MPPED1: variants seen among roughly 807,000 people sequenced by gnomAD.
MPPED1 encodes the protein metallophosphoesterase domain containing 1.
In MPPED1, 16 loss-of-function variants were observed where a neutral mutation model predicts 36.2. The observed-to-expected ratio is 0.44, with a 90% CI of 0.30 to 0.67. The LOEUF is 0.67. Among genes scored for constraint, MPPED1 ranks in the 30% least tolerant of loss-of-function variants. MPPED1 has a pLI of 0.10. For synonymous variants in MPPED1, 199 were observed against 191.3 expected, an observed-to-expected ratio of 1.04 and a Z score of -0.33; for missense variants, 307 against 453.4, an observed-to-expected ratio of 0.68 and a Z score of 2.93.
intron 3 of MPPED1, among the ~76,000 whole-genome samples, chr22:43,464,046 T>C (rs1432343850): frequency 6.6e-6 from 1 of 151,826 alleles, no homozygotes; most frequent in Non-Finnish European, 1.5e-5. Context: ...GTAGCTGGGT[T>C]TATAGGCGCC....
chr22:43,505,547 A>G lies in MPPED1; in HGVS notation c.912A>G (p.Val304=), dbSNP rs778505150. Residue 304 remains valine, a synonymous_variant, in exon 7 of 7, where the codon GTA becomes GTG. Coordinates refer to ENST00000443721, the MANE Select transcript of MPPED1 (RefSeq NM_001044370.2). Reference sequence around the variant, plus strand: ...CGACCACCTATGTGAATGCGTCCGTATGCACTGTGAACTACCAGCCCGTGA... The same window carrying G: ...CGACCACCTATGTGAATGCGTCCGTGTGCACTGTGAACTACCAGCCCGTGA... ...DGTTTYVNAS[V]CTVNYQPVNP... 2 of 1,612,752 alleles carry G rather than the reference A, an allele frequency of 1.2e-6. No homozygotes were observed. Among genetic ancestry groups the G allele is most frequent in the Non-Finnish European group, 8.5e-7 (1 of 1,179,492 alleles).
intron 1 of MPPED1, chr22:43,416,601 C>T (rs1053302952): frequency 6.6e-6 from 1 of 152,150 alleles, no homozygotes; most frequent in Non-Finnish European, 1.5e-5. Flanking sequence ...CATTTACCTC[C>T]TATTTCCTTT....
intron 3 of MPPED1, among the ~76,000 whole-genome samples, chr22:43,456,494 G>A (rs115606377): frequency 1.3e-5 from 2 of 152,036 alleles, no homozygotes; most frequent in African/African-American, 2.4e-5. Context: ...AGTTTGTTAC[G>A]TGTTTTTTGT....
At chr22:43,453,494 G>A (rs1930645985) in intron 3 of MPPED1, among the ~76,000 whole-genome samples, 1 of 152,050 alleles carries the variant, frequency 6.6e-6, no homozygotes, top group African/African-American at 2.4e-5. Flanking sequence ...ACCAGGTATA[G>A]CCTTCCAGTC....
intron 1 of MPPED1, chr22:43,418,639 G>A (rs113338194): frequency 1.5e-3 from 243 of 163,810 alleles, no homozygotes; most frequent in Non-Finnish European, 2.3e-3. Context: ...CTGGTTCGCC[G>A]GGTCTGAGCC....
At chr22:43,438,073 C>T (rs949316112) in intron 3 of MPPED1, among the ~76,000 whole-genome samples, 6 of 152,186 alleles carry the variant, frequency 3.9e-5, no homozygotes, top group Admixed American at 2.0e-4. Flanking sequence ...CCAGGTGTGT[C>T]GCAAGCCCTG....
At chr22:43,468,806 G>A (rs1377239458) in intron 3 of MPPED1, among the ~76,000 whole-genome samples, 1 of 152,146 alleles carries the variant, frequency 6.6e-6, no homozygotes, top group Non-Finnish European at 1.5e-5. Context: ...CCAGCTTCAG[G>A]GAAGAAGGTG....
At chr22:43,418,083 T>A (rs552438751) in intron 1 of MPPED1, 1 of 456,300 alleles carries the variant, frequency 2.2e-6, no homozygotes, top group African/African-American at 2.0e-5. Context: ...CAGTGATTGT[T>A]AAAGAGCTGC....
intron 3 of MPPED1, among the ~76,000 whole-genome samples, chr22:43,444,314 GTGTGTGTA>G (rs1930258037): frequency 1.1e-5 from 1 of 89,868 alleles, no homozygotes; most frequent in South Asian, 3.8e-4. Flanking sequence ...GTGTGTGTGT[GTGTGTGTA>G]TCAAACATGT....
In MPPED1 at chr22:43,497,929, G is replaced by GTGTATATATATATA. The variant is rs1555904565; in HGVS notation, c.633-305_633-304insGTATATATATATAT. Among the ~76,000 whole-genome samples the GTGTATATATATATA allele has an allele frequency of 9.9e-4, 48 of 48,698 alleles. 1 individual carries two copies. Among genetic ancestry groups the GTGTATATATATATA allele is most frequent in the African/African-American group, 1.6e-3 (25 of 15,818 alleles). 31.9% of individuals were successfully genotyped at this position (48,698 alleles called of 152,430 possible). A position where few individuals can be genotyped will look rare whatever the true frequency, so the allele number is the denominator to read the frequency against. ...CTTAGGAAGAAGCTGATATATATAT[G>GTGTATATATATATA]TATATGTATATATATATATGTATTT... On this transcript the variant is annotated intron_variant, in intron 4 of 6. Transcript: ENST00000443721.
At chr22:43,443,874 ACT>A (rs1466950422) in intron 3 of MPPED1, among the ~76,000 whole-genome samples, 1 of 152,002 alleles carries the variant, frequency 6.6e-6, no homozygotes, top group East Asian at 1.9e-4. Context: ...CACCTCCGGC[ACT>A]CTCTGATGGG....
intron 3 of MPPED1, among the ~76,000 whole-genome samples, chr22:43,453,111 G>A (rs963159416): frequency 1.3e-5 from 2 of 151,844 alleles, no homozygotes; most frequent in African/African-American, 4.8e-5. Flanking sequence ...TACCACGCCC[G>A]GCTAATTTGT....
chr22:43,494,710 G>GTGGTGGTGGTGGTGT (rs1932203056), intron 4 of MPPED1, among the ~76,000 whole-genome samples: 1 of 151,626 alleles, frequency 6.6e-6, no homozygotes, highest in Non-Finnish European at 1.5e-5. Context: ...GGTGGTGGTG[G>GTGGTGGTGGTGGTGT]TGGTGGTGGT....
chr22:43,477,076 G>A (rs1931599929), intron 4 of MPPED1, among the ~76,000 whole-genome samples: 1 of 152,204 alleles, frequency 6.6e-6, no homozygotes, highest in Non-Finnish European at 1.5e-5. Flanking sequence ...AAGGGGTTTG[G>A]TGAGATCCAG....
chr22:43,449,231 A>T lies in MPPED1; in HGVS notation c.406+14016A>T, dbSNP rs902794939. Among the ~76,000 whole-genome samples the T allele has an allele frequency of 2.6e-5, 4 of 152,248 alleles. No individual in the cohort carries two copies. In the South Asian group the frequency reaches 8.3e-4, roughly 32 times the overall value. ...GGACAGAAGTTTACAGTTTACAGGC[A>T]CTTTCACGTTGTTTTCTCACGATCC... On this transcript the variant is annotated intron_variant, in intron 3 of 6. Coordinates refer to ENST00000443721, the MANE Select transcript of MPPED1 (RefSeq NM_001044370.2).
At chr22:43,498,419 G>T (rs1932501879) in intron 5 of MPPED1, 69 bp downstream of exon 5, 3 of 1,295,456 alleles carry the variant, frequency 2.3e-6, no homozygotes, top group Non-Finnish European at 3.2e-6. Context: ...GGGATGGGGG[G>T]CTGGCTGGGC....
At chr22:43,464,009 A>G (rs1295738668) in intron 3 of MPPED1, among the ~76,000 whole-genome samples, 1 of 151,572 alleles carries the variant, frequency 6.6e-6, no homozygotes, top group East Asian at 1.9e-4. Context: ...CCCAGGTTCA[A>G]GTGATTCTCC....
chr22:43,481,735 C>T (rs1469048254), intron 4 of MPPED1, among the ~76,000 whole-genome samples: 3 of 152,152 alleles, frequency 2.0e-5, no homozygotes, highest in African/African-American at 7.2e-5. Context: ...TGCTGGCTTG[C>T]CATGTCGCCC....
At position 43,482,694 on chromosome 22, in the gene MPPED1, G is replaced by A. The variant is rs553741360; in HGVS notation, c.632+7733G>A. Among the ~76,000 whole-genome samples the A allele has an allele frequency of 3.3e-5, 5 of 152,308 alleles. No homozygotes were observed. In the East Asian group the frequency reaches 5.8e-4, roughly 18 times the overall value. Reference sequence around the variant, plus strand: ...GTGGGCATTCATACACCTGCTGCTCGACGTTTATGACCGCCCAGGCTAGGG... The same window carrying A: ...GTGGGCATTCATACACCTGCTGCTCAACGTTTATGACCGCCCAGGCTAGGG... On this transcript the variant is annotated intron_variant, in intron 4 of 6. Transcript: ENST00000443721.
Sources: allele counts gnomAD v4.1 joint callset (sites outside exome capture counted in the v4.1 genomes callset), GRCh38; gene constraint gnomAD v4.1.1; transcripts MANE v1.5; gene names NCBI Gene and HGNC (gene_info 2026-07-23, HGNC 2026-07-21).